SPATA19: variants seen among roughly 807,000 people sequenced by gnomAD.
SPATA19 encodes the protein spermatogenesis-associated protein 19, mitochondrial.
In SPATA19, 19 loss-of-function variants were observed where a neutral mutation model predicts 25.0. The observed-to-expected ratio is 0.76, with a 90% CI of 0.53 to 1.11. SPATA19 has a LOEUF of 1.11. Ranked by LOEUF, SPATA19 falls within the 50% of genes most tolerant of loss-of-function variation. SPATA19 has a pLI of 0.00. For synonymous variants in SPATA19, 64 were observed against 69.3 expected (o/e 0.92, Z 0.38); for missense variants, 222 against 211.4 (o/e 1.05, Z -0.31).
At chr11:133,837,369 C>CCTAAAA (rs1938230922), downstream of SPATA19, among the ~76,000 whole-genome samples, 1 of 152,204 alleles carries the variant, frequency 6.6e-6, no homozygotes, top group Non-Finnish European at 1.5e-5. Context: ...TAAACTGTAA[C>CCTAAAA]TGACAAATTG....
Position 133,842,054 on chromosome 11 carries a change from G to A in SPATA19, c.489C>T (p.Ser163=), listed in dbSNP as rs1938320383. 6.2e-7 allele frequency: 1 copy of A among 1,614,110 alleles called. No homozygotes were observed. Among genetic ancestry groups the A allele is most frequent in the Non-Finnish European group, 8.5e-7 (1 of 1,179,992 alleles). ...VSAQDFSMRP[S]SSDC ...CCTGTTGCTCTCAGCAGTCTGAGGA[G>A]GAGGGTCTCATACTGAAGTCCTGAG... The change falls in exon 6 of 7, where the codon TCC becomes TCT. Residue 163 remains serine, a synonymous_variant. Coordinates refer to ENST00000299140, the MANE Select transcript of SPATA19 (RefSeq NM_174927.3).
chr11:133,841,546 T>G (rs1938310284), intron 6 of SPATA19, among the ~76,000 whole-genome samples: 1 of 152,034 alleles, frequency 6.6e-6, no homozygotes, highest in South Asian at 2.1e-4. Context: ...ACAGCCCCCG[T>G]GTGACCACCG....
intron 6 of SPATA19, among the ~76,000 whole-genome samples, 165 bp downstream of exon 6, chr11:133,841,865 C>T (rs1938316782): frequency 6.6e-6 from 1 of 152,216 alleles, no homozygotes; most frequent in South Asian, 2.1e-4. Flanking sequence ...GTTGCGGGAG[C>T]CTAAGGCAGC....
At position 133,840,853 on chromosome 11, in the gene SPATA19, G is replaced by A. The variant is rs367911480; in HGVS notation, c.*80C>T. On this transcript the variant is annotated 3_prime_UTR_variant, in exon 7 of 7. Transcript: ENST00000299140. ...CCCAGGGGACACAGCAGGGAGATGT[G>A]GTTGGCCAAGGGGTAGGGCTGATGA... 1 of 152,170 alleles carries A rather than the reference G, an allele frequency of 6.6e-6. No homozygotes were observed. The highest frequency in any genetic ancestry group is 2.4e-5 in the African/African-American group (1 of 41,410). 9.4% of individuals were successfully genotyped at this position (152,170 alleles called of 1,614,324 possible). A position where few individuals can be genotyped will look rare whatever the true frequency, so the allele number is the denominator to read the frequency against.
chr11:133,841,979 C>A, intron 6 of SPATA19, 51 bp downstream of exon 6: 1 of 1,551,636 alleles, frequency 6.4e-7, no homozygotes. Context: ...CTTCCCACTG[C>A]CCAGGATAAC....
At position 133,844,603 on chromosome 11, in the gene SPATA19, A is replaced by C; in HGVS notation, c.173T>G (p.Leu58Arg). The change falls in exon 3 of 7, where the codon CTG becomes CGG. Residue 58 changes from leucine to arginine, a missense_variant. By Grantham distance (102) the Leu-to-Arg change is moderately radical. Transcript: ENST00000299140. ...EEASRGIKEKLSINHPSQGVR... is the reference protein window; with the variant it reads ...EEASRGIKEKRSINHPSQGVR... Reference sequence around the variant, plus strand: ...ACCCTGGGAAGGGTGGTTGATGGACAGCTTTTCCTTTATGCCCCGAGAAGC... The same window carrying C: ...ACCCTGGGAAGGGTGGTTGATGGACCGCTTTTCCTTTATGCCCCGAGAAGC... 1 of 1,613,070 alleles carries C rather than the reference A, an allele frequency of 6.2e-7. No individual in the cohort carries two copies. Among genetic ancestry groups the C allele is most frequent in the Non-Finnish European group, 8.5e-7 (1 of 1,179,574 alleles).
At chr11:133,845,306 G>T in intron 1 of SPATA19, 63 bp downstream of exon 1, 1 of 1,483,312 alleles carries the variant, frequency 6.7e-7, no homozygotes, top group Non-Finnish European at 9.4e-7. Flanking sequence ...AGTGCAGCAG[G>T]GTCCCACAGG....
chr11:133,844,332 C>T lies in SPATA19; in HGVS notation c.273G>A (p.Lys91=), dbSNP rs1219340603. The T allele has an allele frequency of 2.5e-6, 4 of 1,614,196 alleles. No homozygotes were observed. The highest frequency in any genetic ancestry group is 2.5e-6 in the Non-Finnish European group (3 of 1,180,036). The change falls in exon 4 of 7, where the codon AAG becomes AAA. Residue 91 remains lysine (K), a synonymous_variant. Transcript: ENST00000299140. The part of the protein sequence containing the change: ...QDIHVTRDVV[K]HHLSKSDLLA... ...ACAAATCAGACTTAGAGAGGTGGTG[C>T]TTCACCTGGGAAATCCAGAGGGTCC...
At chr11:133,840,283 C>T (rs1938278789), downstream of SPATA19, among the ~76,000 whole-genome samples, 1 of 152,166 alleles carries the variant, frequency 6.6e-6, no homozygotes, top group Non-Finnish European at 1.5e-5. Flanking sequence ...AGCTACCTTG[C>T]AAGAAACCTT....
intron 2 of SPATA19, among the ~76,000 whole-genome samples, chr11:133,844,923 C>G (rs545394335): frequency 6.6e-6 from 1 of 152,226 alleles, no homozygotes; most frequent in East Asian, 1.9e-4. Context: ...AGCAGGACGG[C>G]GTTAGTGGTG....
In SPATA19 at chr11:133,841,899, C is replaced by A. The variant is rs1185647138; in HGVS notation, c.*9+131G>T. 9.0e-5 allele frequency: 76 copies of A among 844,642 alleles called. 2 individuals carry two copies. In the South Asian group the frequency reaches 1.1e-3, roughly 13 times the overall value. The allele number at this position is 844,642 out of a possible 1,614,324, so 52.3% of individuals were successfully genotyped here. On this transcript the variant is annotated intron_variant, in intron 6 of 6. Coordinates refer to ENST00000299140, the MANE Select transcript of SPATA19 (RefSeq NM_174927.3). Reference sequence around the variant, plus strand: ...GCCAGCCCTCCTCTCCCACTACTGGCCCTGAGTGCAGGCCCTTCCCCAGTA... The same window carrying A: ...GCCAGCCCTCCTCTCCCACTACTGGACCTGAGTGCAGGCCCTTCCCCAGTA...
At position 133,845,167 on chromosome 11, in the gene SPATA19, C is replaced by T. The variant is rs1565397739; in HGVS notation, c.102G>A (p.Glu34=). 6.2e-7 allele frequency: 1 copy of T among 1,614,088 alleles called. No individual in the cohort carries two copies. The highest frequency in any genetic ancestry group is 1.6e-4 in the Middle Eastern group (1 of 6,062). ...ACCAATGATGTAGTACAGACACAGC[C>T]TCACTTTCCACAACGTCAATGTCCT... ...TSSDIDVVES[E]AVSVLHHWLK... is the part of the protein sequence containing the mutation. Residue 34 remains glutamate, a synonymous_variant, in exon 2 of 7, where the codon GAG becomes GAA. Coordinates refer to ENST00000299140, the MANE Select transcript of SPATA19 (RefSeq NM_174927.3).
At position 133,842,135 on chromosome 11, in the gene SPATA19, G is replaced by A. The variant is rs1269155720; in HGVS notation, c.438-30C>T. 4 of 1,607,972 alleles carry A rather than the reference G, an allele frequency of 2.5e-6. No homozygotes were observed. In the East Asian group the frequency reaches 6.7e-5, roughly 27 times the overall value. Reference sequence around the variant, plus strand: ...AGGGGACAGAGGAGAAGGGCCAGGTGGAGGGAGGCTGCCTGATAGCAGAGC... The same window carrying A: ...AGGGGACAGAGGAGAAGGGCCAGGTAGAGGGAGGCTGCCTGATAGCAGAGC... On this transcript the variant is annotated intron_variant, in intron 5 of 6. Transcript: ENST00000299140.
downstream of SPATA19, among the ~76,000 whole-genome samples, chr11:133,839,454 C>T (rs1467022544): frequency 6.6e-6 from 1 of 151,316 alleles, no homozygotes; most frequent in African/African-American, 2.4e-5. Context: ...CACCGCATGT[C>T]CTCACTCATA....
Position 133,845,176 on chromosome 11 carries a change from CACA to C in SPATA19, c.90_92del (p.Val31del). ...GTAGTACAGACACAGCCTCACTTTC[CACA>C]ACGTCAATGTCCTGGAACAAATTGG... is the stretch of plus-strand genomic sequence containing the variant. On this transcript the variant is annotated inframe_deletion, in exon 2 of 7. Transcript: ENST00000299140. 6.2e-7 allele frequency: 1 copy of C among 1,614,080 alleles called. No homozygotes were observed. Among genetic ancestry groups the C allele is most frequent in the Non-Finnish European group, 8.5e-7 (1 of 1,180,004 alleles).
downstream of SPATA19, among the ~76,000 whole-genome samples, chr11:133,836,297 C>T (rs891364276): frequency 6.6e-6 from 1 of 152,152 alleles, no homozygotes; most frequent in Non-Finnish European, 1.5e-5. Flanking sequence ...CCTCGCCCTA[C>T]CTTACTGGAG....
downstream of SPATA19, among the ~76,000 whole-genome samples, chr11:133,838,619 G>A (rs539045412): frequency 8.7e-4 from 133 of 152,190 alleles, no homozygotes; most frequent in African/African-American, 3.1e-3. Flanking sequence ...CATAGGCATG[G>A]GCAAGGACTT....
chr11:133,845,335 A>T (rs1311696096), intron 1 of SPATA19, 34 bp downstream of exon 1: 1 of 1,568,060 alleles, frequency 6.4e-7, no homozygotes, highest in Admixed American at 1.7e-5. Context: ...ATATATGAAA[A>T]ATTATTCCAT....
downstream of SPATA19, among the ~76,000 whole-genome samples, chr11:133,836,274 T>C (rs531980183): frequency 6.6e-6 from 1 of 152,228 alleles, no homozygotes; most frequent in Non-Finnish European, 1.5e-5. Context: ...TACCTCCTAC[T>C]CATCCTCTAC....
Sources: allele counts gnomAD v4.1 joint callset (sites outside exome capture counted in the v4.1 genomes callset), GRCh38; gene constraint gnomAD v4.1.1; transcripts MANE v1.5; gene names NCBI Gene and HGNC (gene_info 2026-07-23, HGNC 2026-07-21).